CNTN4: variants seen among roughly 807,000 people sequenced by gnomAD.
CNTN4 encodes contactin 4.
A neutral mutation model predicts 122.5 loss-of-function variants in CNTN4; 77 were observed. The observed-to-expected ratio is 0.63, with a 90% CI of 0.52 to 0.76. CNTN4 has a LOEUF of 0.76. Among genes scored for constraint, CNTN4 ranks in the 30% least tolerant of loss-of-function variants. The pLI is 0.00. For missense variants in CNTN4, 1,256 were observed against 1,259.1 expected, an observed-to-expected ratio of 1.00 and a Z score of 0.04; for synonymous variants, 512 against 447.0, an observed-to-expected ratio of 1.15 and a Z score of -1.83.
In CNTN4 at chr3:2,507,925, A is replaced by G. The variant is rs537801865; in HGVS notation, c.-88-63491A>G. Among the ~76,000 whole-genome samples, 18 of 152,214 alleles carry G rather than the reference A, an allele frequency of 1.2e-4. No individual in the cohort carries two copies. The East Asian group carries it at 2.5e-3, about 21-fold the overall frequency. On this transcript the variant is annotated intron_variant, in intron 3 of 24. Transcript: ENST00000418658. ...CTCAAATTTTTTGCTAATAGTGACT[A>G]CAAATTTCTGAGCAGTTAGTGGTAG... is the stretch of plus-strand genomic sequence containing the variant.
intron 4 of CNTN4, among the ~76,000 whole-genome samples, chr3:2,634,349 C>T (rs933586456): frequency 1.3e-4 from 20 of 151,978 alleles, no homozygotes; most frequent in African/African-American, 3.9e-4. Context: ...TTTGTGTATG[C>T]GGCAATATTT....
intron 3 of CNTN4, among the ~76,000 whole-genome samples, chr3:2,514,559 C>T (rs1192494164): frequency 1.3e-5 from 2 of 151,956 alleles, no homozygotes; most frequent in African/African-American, 4.8e-5. Flanking sequence ...GTTATCAAGC[C>T]TTAACTGTGC....
chr3:2,166,588 A>T (rs1440229858), intron 2 of CNTN4, among the ~76,000 whole-genome samples: 1 of 152,172 alleles, frequency 6.6e-6, no homozygotes, highest in African/African-American at 2.4e-5. Context: ...TGGTTAAGAA[A>T]GGATCCTCAA....
intron 3 of CNTN4, among the ~76,000 whole-genome samples, chr3:2,540,812 CT>C (rs1255326797): frequency 1.3e-5 from 2 of 152,152 alleles, no homozygotes; most frequent in African/African-American, 4.8e-5. Context: ...GCTTACTTAA[CT>C]TTTCTGTTTA....
chr3:2,147,206 G>T (rs980186861), intron 2 of CNTN4, among the ~76,000 whole-genome samples: 1 of 151,922 alleles, frequency 6.6e-6, no homozygotes, highest in Admixed American at 6.6e-5. Context: ...AGAAAATGTC[G>T]AACTGTTTAA....
intron 2 of CNTN4, among the ~76,000 whole-genome samples, chr3:2,277,844 A>T (rs1306552280): frequency 6.6e-6 from 1 of 152,140 alleles, no homozygotes; most frequent in Non-Finnish European, 1.5e-5. Flanking sequence ...AATGCTATTT[A>T]TTGAATTTAT....
chr3:2,274,149 G>A (rs1054346738), intron 2 of CNTN4, among the ~76,000 whole-genome samples: 9 of 152,046 alleles, frequency 5.9e-5, no homozygotes, highest in Non-Finnish European at 1.0e-4. Flanking sequence ...TTGCGAGGCC[G>A]AGGCAGACAA....
intron 3 of CNTN4, among the ~76,000 whole-genome samples, chr3:2,399,813 G>A (rs1487642585): frequency 1.3e-5 from 2 of 151,992 alleles, no homozygotes; most frequent in Non-Finnish European, 2.9e-5. Context: ...TTATTTAAAT[G>A]TATATTTATA....
intron 3 of CNTN4, among the ~76,000 whole-genome samples, chr3:2,394,532 T>C (rs1388631390): frequency 1.3e-5 from 2 of 152,180 alleles, no homozygotes; most frequent in East Asian, 3.9e-4. Flanking sequence ...TGCCAATATA[T>C]ATCCACTGAA....
At chr3:2,635,792 G>C (rs2150073881) in intron 4 of CNTN4, among the ~76,000 whole-genome samples, 1 of 152,246 alleles carries the variant, frequency 6.6e-6, no homozygotes, top group East Asian at 1.9e-4. Context: ...CTTAAAACTT[G>C]AGAAAGTTAC....
chr3:2,130,299 C>G (rs187688478), intron 2 of CNTN4, among the ~76,000 whole-genome samples: 1 of 152,200 alleles, frequency 6.6e-6, no homozygotes, highest in East Asian at 1.9e-4. Context: ...CATTGAGGGC[C>G]AGAACTGACA....
At chr3:2,376,162 A>G (rs921546976) in intron 3 of CNTN4, among the ~76,000 whole-genome samples, 1 of 152,162 alleles carries the variant, frequency 6.6e-6, no homozygotes, top group South Asian at 2.1e-4. Flanking sequence ...GATTATGTTG[A>G]GGGACTCCAC....
At chr3:2,374,038 T>A (rs1285987318) in intron 3 of CNTN4, among the ~76,000 whole-genome samples, 1 of 150,880 alleles carries the variant, frequency 6.6e-6, no homozygotes, top group Non-Finnish European at 1.5e-5. Flanking sequence ...GAACTTTTGT[T>A]CTCCGGGATA....
At chr3:2,675,748 C>A (rs1048372677) in intron 4 of CNTN4, among the ~76,000 whole-genome samples, 3 of 152,148 alleles carry the variant, frequency 2.0e-5, no homozygotes, top group Non-Finnish European at 2.9e-5. Context: ...TTGAGAGCAG[C>A]ACCAGCAACT....
At chr3:2,575,577 T>G (rs1447803113) in intron 4 of CNTN4, among the ~76,000 whole-genome samples, 1 of 152,100 alleles carries the variant, frequency 6.6e-6, no homozygotes, top group East Asian at 1.9e-4. Context: ...TATACTAACT[T>G]TCTTTTGTCA....
intron 2 of CNTN4, among the ~76,000 whole-genome samples, chr3:2,125,030 C>T (rs948547131): frequency 1.3e-5 from 2 of 152,144 alleles, no homozygotes; most frequent in African/African-American, 4.8e-5. Context: ...ACTATAGGCA[C>T]TATGTCGTGT....
At chr3:2,958,844 A>G (rs1262268200) in intron 13 of CNTN4, among the ~76,000 whole-genome samples, 1 of 152,158 alleles carries the variant, frequency 6.6e-6, no homozygotes, top group Non-Finnish European at 1.5e-5. Flanking sequence ...TGCTCAACCT[A>G]GGAAGTCTAG....
intron 4 of CNTN4, among the ~76,000 whole-genome samples, chr3:2,598,288 G>A (rs569049004): frequency 2.0e-5 from 3 of 152,252 alleles, no homozygotes; most frequent in East Asian, 3.9e-4. Context: ...TCCACACTCC[G>A]TAAATTGCAG....
chr3:2,122,133 C>T (rs150033610), intron 2 of CNTN4, among the ~76,000 whole-genome samples: 2,310 of 146,722 alleles, frequency 0.016, 45 homozygotes, highest in African/African-American at 0.05. Flanking sequence ...CCAGCCTGGG[C>T]GACAGAGCGA....
Sources: gnomAD v4.1 joint callset for allele counts (sites outside exome capture counted in the v4.1 genomes callset) on GRCh38, gnomAD v4.1.1 for gene constraint, MANE v1.5 for transcripts, NCBI Gene and HGNC (gene_info 2026-07-23, HGNC 2026-07-21) for gene names.